Variants in DLGAP2 observed in about 807,000 individuals in gnomAD.
DLGAP2 encodes the protein disks large-associated protein 2.
A neutral mutation model predicts 100.3 loss-of-function variants in DLGAP2; 26 were observed. That is an observed-to-expected ratio of 0.26 (90% CI 0.19 to 0.36). DLGAP2 has a LOEUF of 0.36. Ranked by LOEUF, DLGAP2 falls within the 10% of genes least tolerant of loss-of-function variation. The pLI is 1.00. For synonymous variants in DLGAP2, 886 were observed against 630.1 expected, an observed-to-expected ratio of 1.41 and a Z score of -6.08; for missense variants, 1,858 against 1,453.2, an observed-to-expected ratio of 1.28 and a Z score of -4.53.
At chr8:1,314,997 G>A (rs527644031) in intron 3 of DLGAP2, among the ~76,000 whole-genome samples, 14 of 152,318 alleles carry the variant, frequency 9.2e-5, no homozygotes, top group East Asian at 7.7e-4. Context: ...CCGCCGTTGC[G>A]TGTTTTTAGT....
intron 2 of DLGAP2, among the ~76,000 whole-genome samples, chr8:1,095,162 G>C (rs1187002716): frequency 3.3e-5 from 5 of 152,184 alleles, no homozygotes; most frequent in Non-Finnish European, 7.3e-5. Context: ...GCTCCTTCAG[G>C]AGGGAGATGA....
intron 1 of DLGAP2, among the ~76,000 whole-genome samples, chr8:824,591 G>C (rs1170385447): frequency 6.6e-6 from 1 of 151,616 alleles, no homozygotes; most frequent in Admixed American, 6.6e-5. Context: ...CCTGGCCCCA[G>C]TCCTGGCTCC....
intron 2 of DLGAP2, among the ~76,000 whole-genome samples, chr8:1,226,433 A>T (rs990352388): frequency 6.6e-5 from 10 of 152,148 alleles, no homozygotes; most frequent in Non-Finnish European, 1.5e-4. Flanking sequence ...GAAGGTATGG[A>T]CACAGGAGGG....
chr8:1,546,145 G>A (rs1801526296), intron 4 of DLGAP2, among the ~76,000 whole-genome samples: 1 of 152,174 alleles, frequency 6.6e-6, no homozygotes, highest in Non-Finnish European at 1.5e-5. Context: ...TAATTTGACT[G>A]TTTGAGAAAG....
intron 3 of DLGAP2, among the ~76,000 whole-genome samples, chr8:1,266,608 C>T (rs1168757729): frequency 6.6e-6 from 1 of 152,192 alleles, no homozygotes; most frequent in Non-Finnish European, 1.5e-5. Context: ...TGCTGTTTAA[C>T]CACATATGAA....
At position 1,702,787 on chromosome 8, in the gene DLGAP2, C is replaced by T. The variant is rs1799609871; in HGVS notation, c.*1381C>T. 1 of 152,398 alleles carries T rather than the reference C, an allele frequency of 6.6e-6. No individual in the cohort carries two copies. The highest frequency in any genetic ancestry group is 1.5e-5 in the Non-Finnish European group (1 of 68,040). The allele number at this position is 152,398 out of a possible 1,614,324, so 9.4% of individuals were successfully genotyped here. A position where few individuals can be genotyped will look rare whatever the true frequency, so the allele number is the denominator to read the frequency against. ...ACCGGTCTTCAAAGGAAAAGCCTGT[C>T]CGATTTTTCCATGGGTTCCAGTTTC... On this transcript the variant is annotated 3_prime_UTR_variant, in exon 15 of 15. Coordinates refer to ENST00000637795, the MANE Select transcript of DLGAP2 (RefSeq NM_001346810.2).
At chr8:1,321,282 C>T (rs1388468350) in intron 3 of DLGAP2, among the ~76,000 whole-genome samples, 2 of 151,714 alleles carry the variant, frequency 1.3e-5, no homozygotes, top group Non-Finnish European at 2.9e-5. Flanking sequence ...GTGCGTGCAT[C>T]TGTGTGTCTC....
chr8:1,356,864 A>C (rs767850891), intron 3 of DLGAP2, among the ~76,000 whole-genome samples: 3 of 152,218 alleles, frequency 2.0e-5, no homozygotes, highest in Non-Finnish European at 4.4e-5. Flanking sequence ...CCAAGCCCGC[A>C]CAATGAGGAA....
intron 3 of DLGAP2, among the ~76,000 whole-genome samples, chr8:1,325,427 G>T (rs113046069): frequency 6.6e-6 from 1 of 152,204 alleles, no homozygotes; most frequent in African/African-American, 2.4e-5. Flanking sequence ...CCTGCAGCCC[G>T]GCTGCTGTAG....
chr8:1,193,694 G>A (rs985343024), intron 2 of DLGAP2, among the ~76,000 whole-genome samples: 14 of 152,072 alleles, frequency 9.2e-5, no homozygotes, highest in African/African-American at 2.7e-4. Flanking sequence ...TGAGTCTCGC[G>A]TGGCTGGCCC....
At chr8:776,300 AG>A in intron 1 of DLGAP2, among the ~76,000 whole-genome samples, 1 of 152,144 alleles carries the variant, frequency 6.6e-6, no homozygotes, top group Non-Finnish European at 1.5e-5. Context: ...TCAAGAAACC[AG>A]CTCCTGGATT....
intron 2 of DLGAP2, among the ~76,000 whole-genome samples, chr8:1,026,035 G>A (rs569083214): frequency 4.6e-5 from 7 of 152,326 alleles, no homozygotes; most frequent in South Asian, 2.1e-4. Flanking sequence ...GCTCCGGCCC[G>A]TCCAGGCCGC....
At position 1,320,514 on chromosome 8, in the gene DLGAP2, G is replaced by A. The variant is rs115131529; in HGVS notation, c.106+61631G>A. Reference sequence around the variant, plus strand: ...GCAGACGGGTGAACGGGCAACATACGGGCACAGAGCCGTGGGTCCCACGTG... The same window carrying A: ...GCAGACGGGTGAACGGGCAACATACAGGCACAGAGCCGTGGGTCCCACGTG... On this transcript the variant is annotated intron_variant, in intron 3 of 14. Coordinates refer to ENST00000637795, the MANE Select transcript of DLGAP2 (RefSeq NM_001346810.2). Among the ~76,000 whole-genome samples the A allele has an allele frequency of 5.7e-3, 868 of 152,238 alleles. 7 individuals carry two copies. Among genetic ancestry groups the A allele is most frequent in the African/African-American group, 0.018 (754 of 41,540 alleles).
chr8:1,351,882 T>G (rs141840098), intron 3 of DLGAP2, among the ~76,000 whole-genome samples: 3,912 of 36,722 alleles, frequency 0.11, 86 homozygotes, highest in East Asian at 0.24. Context: ...CTGACTGTGT[T>G]TGGAAAGGCC....
chr8:1,201,180 G>A (rs1337083868), intron 2 of DLGAP2, among the ~76,000 whole-genome samples: 1 of 152,192 alleles, frequency 6.6e-6, no homozygotes, highest in East Asian at 1.9e-4. Flanking sequence ...CGCTGCGTAG[G>A]GAGCCCCTTG....
rs550650205 is a variant in DLGAP2 at position 1,241,742 on chromosome 8, G to C, written c.74-17109G>C. 2.2e-4 allele frequency among the ~76,000 whole-genome samples: 9 copies of C among 41,740 alleles called. No homozygotes were observed. The South Asian group carries it at 2.3e-3, about 11-fold the overall frequency. 27.4% of individuals were successfully genotyped at this position (41,740 alleles called of 152,430 possible). The stretch of plus-strand genomic sequence containing the variant: ...TTTAACCAGCAAAACATATGTAAGT[G>C]GTGAAAAAAAAAACTAATAAATTCT... On this transcript the variant is annotated intron_variant, in intron 2 of 14. Transcript: ENST00000637795.
intron 3 of DLGAP2, among the ~76,000 whole-genome samples, chr8:1,267,379 A>C (rs1799477185): frequency 6.6e-6 from 1 of 151,106 alleles, no homozygotes; most frequent in South Asian, 2.1e-4. Flanking sequence ...CAGTCTGACC[A>C]ACATGGTGAA....
intron 2 of DLGAP2, among the ~76,000 whole-genome samples, chr8:1,194,198 G>A (rs1259989398): frequency 1.3e-5 from 2 of 152,098 alleles, no homozygotes; most frequent in Non-Finnish European, 2.9e-5. Context: ...CCTGTGGGAG[G>A]CCACGCCTTG....
At chr8:1,346,917 TCCC>T in intron 3 of DLGAP2, among the ~76,000 whole-genome samples, 1 of 151,240 alleles carries the variant, frequency 6.6e-6, no homozygotes, top group African/African-American at 2.4e-5. Flanking sequence ...GAGGTTGAGT[TCCC>T]ATACACGTCT....
Sources: gnomAD v4.1 joint callset for allele counts (sites outside exome capture counted in the v4.1 genomes callset) on GRCh38, gnomAD v4.1.1 for gene constraint, MANE v1.5 for transcripts, NCBI Gene and HGNC (gene_info 2026-07-23, HGNC 2026-07-21) for gene names.